Variants in LRBA observed in about 807,000 individuals in gnomAD.
LRBA encodes LPS responsive beige-like anchor protein.
A neutral mutation model predicts 330.0 loss-of-function variants in LRBA; 176 were observed. The ratio of observed to expected loss-of-function variants is 0.53; its 90% CI spans 0.47 to 0.60. The LOEUF (loss-of-function observed/expected upper bound fraction) is 0.60, where lower values mean the gene tolerates loss of function less well. Among genes scored for constraint, LRBA ranks in the 20% least tolerant of loss-of-function variants. LRBA has a pLI of 0.00. For missense variants in LRBA, 3,259 were observed against 3,444.8 expected (o/e 0.95, Z 1.35); for synonymous variants, 1,230 against 1,193.0 (o/e 1.03, Z -0.64).
intron 14 of LRBA, among the ~76,000 whole-genome samples, chr4:150,899,349 T>C (rs760425693): frequency 1.1e-4 from 17 of 152,162 alleles, no homozygotes; most frequent in Non-Finnish European, 2.2e-4. Flanking sequence ...CACAGAAGAA[T>C]TGGCAAGTGC....
chr4:150,357,239 T>A (rs905045856), intron 47 of LRBA, among the ~76,000 whole-genome samples: 3 of 152,018 alleles, frequency 2.0e-5, no homozygotes, highest in African/African-American at 7.2e-5. Flanking sequence ...GATATAACTA[T>A]CAAGCACTCG....
At chr4:150,276,409 C>T (rs1227855461) in intron 56 of LRBA, among the ~76,000 whole-genome samples, 2 of 152,136 alleles carry the variant, frequency 1.3e-5, no homozygotes, top group African/African-American at 4.8e-5. Flanking sequence ...AAAGCAATGG[C>T]AACAAAAGCC....
At chr4:150,714,120 A>AT (rs1472402210) in intron 36 of LRBA, among the ~76,000 whole-genome samples, 1 of 152,306 alleles carries the variant, frequency 6.6e-6, no homozygotes, top group Admixed American at 6.5e-5. Flanking sequence ...TATAGCAAGT[A>AT]GACATGGCCA....
intron 40 of LRBA, among the ~76,000 whole-genome samples, chr4:150,506,271 C>A (rs1293489846): frequency 4.6e-5 from 7 of 151,388 alleles, no homozygotes; most frequent in African/African-American, 1.5e-4. Flanking sequence ...AGAGACACAA[C>A]CAAAAAAGAG....
At chr4:150,292,600 C>T (rs957208231) in intron 53 of LRBA, among the ~76,000 whole-genome samples, 3 of 152,150 alleles carry the variant, frequency 2.0e-5, no homozygotes, top group South Asian at 2.1e-4. Context: ...AATCACATAT[C>T]CCACTTGTTC....
chr4:150,916,842 A>G, intron 5 of LRBA, 104 bp from the exon 6 acceptor site: 1 of 870,840 alleles, frequency 1.1e-6, no homozygotes. Context: ...ACTACATCAC[A>G]TTACTTTATG....
rs143949228 is a variant in LRBA at position 150,490,923 on chromosome 4, T to C, written c.6443A>G (p.Asn2148Ser). The change falls in exon 41 of 57, where the codon AAC (asparagine) becomes AGC (serine). Residue 2148 changes from asparagine (N) to serine (S), a missense_variant. Asn to Ser is a conservative substitution (Grantham distance 46). Coordinates refer to ENST00000651943, the MANE Select transcript of LRBA (RefSeq NM_001364905.1). ...QNTALEIFMANRVAVMFNFPD... is the reference protein window; with the variant it reads ...QNTALEIFMASRVAVMFNFPD... The stretch of plus-strand genomic sequence containing the variant: ...GTATTTCTGTAACACATTACCTCTG[T>C]TTGCCATAAAGATCTCCAGGGCTGT... 19 of 1,589,068 alleles carry C rather than the reference T, an allele frequency of 1.2e-5. No individual in the cohort carries two copies. Among genetic ancestry groups the C allele is most frequent in the South Asian group, 9.0e-5 (8 of 89,150 alleles).
intron 40 of LRBA, among the ~76,000 whole-genome samples, chr4:150,564,891 C>T (rs547386196): frequency 4.6e-5 from 7 of 151,884 alleles, no homozygotes; most frequent in Admixed American, 1.3e-4. Flanking sequence ...CAGATGCTGG[C>T]GAAGCTATGG....
chr4:150,669,758 G>A (rs1390877409), intron 37 of LRBA, among the ~76,000 whole-genome samples: 1 of 151,968 alleles, frequency 6.6e-6, no homozygotes, highest in African/African-American at 2.4e-5. Flanking sequence ...TAGATACAGG[G>A]TTTCACCAAG....
chr4:150,412,090 T>C (rs1275737770), intron 47 of LRBA, among the ~76,000 whole-genome samples: 1 of 152,204 alleles, frequency 6.6e-6, no homozygotes, highest in African/African-American at 2.4e-5. Flanking sequence ...AATTCTTTCA[T>C]AAAGGCACAT....
chr4:150,499,015 A>T (rs1453724442), intron 40 of LRBA, among the ~76,000 whole-genome samples: 1 of 152,186 alleles, frequency 6.6e-6, no homozygotes, highest in Non-Finnish European at 1.5e-5. Flanking sequence ...ATAAATATGC[A>T]TATAACTTAT....
chr4:150,732,784 C>A (rs895908650), intron 36 of LRBA, among the ~76,000 whole-genome samples: 1 of 151,988 alleles, frequency 6.6e-6, no homozygotes, highest in East Asian at 1.9e-4. Context: ...AAATATCCTA[C>A]ATTTTGGTTA....
intron 42 of LRBA, among the ~76,000 whole-genome samples, chr4:150,483,997 CATTT>C (rs1272247567): frequency 6.6e-6 from 1 of 152,020 alleles, no homozygotes; most frequent in Non-Finnish European, 1.5e-5. Flanking sequence ...CAGCTAAACT[CATTT>C]ATTAGTTCTA....
intron 42 of LRBA, among the ~76,000 whole-genome samples, chr4:150,484,141 T>A (rs1757609484): frequency 6.6e-6 from 1 of 152,078 alleles, no homozygotes; most frequent in Non-Finnish European, 1.5e-5. Context: ...AGTTCCTATT[T>A]CTTGAAAGGC....
intron 50 of LRBA, among the ~76,000 whole-genome samples, chr4:150,318,068 G>T (rs972371685): frequency 2.6e-5 from 4 of 152,108 alleles, no homozygotes; most frequent in African/African-American, 9.7e-5. Context: ...CAGGGAGCTC[G>T]CCTTATTCTG....
At chr4:150,369,338 T>C (rs1438568114) in intron 47 of LRBA, among the ~76,000 whole-genome samples, 1 of 152,184 alleles carries the variant, frequency 6.6e-6, no homozygotes, top group Non-Finnish European at 1.5e-5. Flanking sequence ...CTGCCAGACC[T>C]TCTGATTAGG....
rs1158684558 is a variant in LRBA at position 150,900,055 on chromosome 4, C to G, written c.1918G>C (p.Gly640Arg). The change falls in exon 14 of 57, where the codon GGA (glycine) becomes CGA (arginine). Residue 640 changes from glycine (G) to arginine (R), a missense_variant. Physicochemically the swap from Gly to Arg is moderately radical, Grantham distance 125. Transcript: ENST00000651943. ...PQDRSGITPK[G>R]LDGPRPNQKE... is the part of the protein sequence containing the mutation. The stretch of plus-strand genomic sequence containing the variant: ...ACAGACAGAAATTATATACCTAATC[C>G]TTTTGGGGTGATACCACTTCGATCC... 1 of 1,609,924 alleles carries G rather than the reference C, an allele frequency of 6.2e-7. No homozygotes were observed. Among genetic ancestry groups the G allele is most frequent in the Non-Finnish European group, 8.5e-7 (1 of 1,177,384 alleles).
chr4:150,902,819 T>C (rs934230323), intron 13 of LRBA, among the ~76,000 whole-genome samples: 10 of 152,200 alleles, frequency 6.6e-5, no homozygotes, highest in African/African-American at 2.4e-4. Context: ...AATCAGAATC[T>C]GCAGTGGAAG....
At chr4:150,795,917 G>A (rs1282879316) in intron 34 of LRBA, among the ~76,000 whole-genome samples, 2 of 151,890 alleles carry the variant, frequency 1.3e-5, no homozygotes, top group Non-Finnish European at 2.9e-5. Flanking sequence ...AAAATAATCA[G>A]AGCATGGCTG....
Sources: gnomAD v4.1 joint callset for allele counts (sites outside exome capture counted in the v4.1 genomes callset) on GRCh38, gnomAD v4.1.1 for gene constraint, MANE v1.5 for transcripts, NCBI Gene and HGNC (gene_info 2026-07-23, HGNC 2026-07-21) for gene names.